Variants in GRAMD1B observed in about 807,000 individuals in gnomAD.
GRAMD1B encodes protein Aster-B.
In GRAMD1B, 37 loss-of-function variants were observed where a neutral mutation model predicts 99.7. That is an observed-to-expected ratio of 0.37 (90% CI 0.29 to 0.49). The LOEUF (loss-of-function observed/expected upper bound fraction) is 0.49, where lower values mean the gene tolerates loss of function less well. GRAMD1B is among the 20% of genes least tolerant of loss of function. The probability of loss-of-function intolerance (pLI) is 0.98; values close to 1 mark genes in which losing one functional copy is unlikely to be tolerated. For synonymous variants in GRAMD1B, 427 were observed against 387.6 expected, an observed-to-expected ratio of 1.10 and a Z score of -1.19; for missense variants, 888 against 1,009.2, an observed-to-expected ratio of 0.88 and a Z score of 1.63.
At chr11:123,584,221 A>C (rs1256476263) in intron 3 of GRAMD1B, 91 bp from the exon 4 acceptor site, 20 of 696,388 alleles carry the variant, frequency 2.9e-5, no homozygotes, top group Non-Finnish European at 3.5e-5. Context: ...CTCCCTGCCC[A>C]CCCTCCGCTG....
chr11:123,625,404 A>G lies in GRAMD1B; in HGVS notation c.*2809A>G, dbSNP rs1955442069. The G allele has an allele frequency of 6.6e-6, 1 of 152,248 alleles. No individual in the cohort carries two copies. The highest frequency in any genetic ancestry group is 1.5e-5 in the Non-Finnish European group (1 of 68,048). The allele number at this position is 152,248 out of a possible 1,614,324, so 9.4% of individuals were successfully genotyped here. On this transcript the variant is annotated 3_prime_UTR_variant, in exon 20 of 20. Coordinates refer to ENST00000635736, the MANE Select transcript of GRAMD1B (RefSeq NM_001387025.1). The stretch of plus-strand genomic sequence containing the variant: ...ATTTGCAGTTTCTAACAAGGTGAAG[A>G]ACAGCTATAGGATCTAAAGTTCCAT...
intron 8 of GRAMD1B, among the ~76,000 whole-genome samples, chr11:123,602,295 C>A (rs1952076987): frequency 7.8e-6 from 1 of 127,842 alleles, no homozygotes; most frequent in African/African-American, 2.6e-5. Context: ...GGCTTGGGAG[C>A]TCTCAAATTA....
chr11:123,600,645 C>A, intron 8 of GRAMD1B, 97 bp downstream of exon 8: 1 of 725,590 alleles, frequency 1.4e-6, no homozygotes, highest in Non-Finnish European at 2.4e-6. Flanking sequence ...TGATAGTATT[C>A]TCCCACTGAT....
At chr11:123,557,409 A>G (rs1294457170) in intron 2 of GRAMD1B, among the ~76,000 whole-genome samples, 7 of 152,242 alleles carry the variant, frequency 4.6e-5, no homozygotes, top group Non-Finnish European at 8.8e-5. Flanking sequence ...TACCACGCAC[A>G]TACTTCGTGC....
At chr11:123,499,925 C>T (rs1200306887) in intron 2 of GRAMD1B, among the ~76,000 whole-genome samples, 1 of 152,232 alleles carries the variant, frequency 6.6e-6, no homozygotes, top group East Asian at 1.9e-4. Flanking sequence ...ATTTCTCCCA[C>T]TCATCTTTTT....
At chr11:123,621,025 G>A (rs571256006) in intron 19 of GRAMD1B, among the ~76,000 whole-genome samples, 1 of 152,188 alleles carries the variant, frequency 6.6e-6, no homozygotes, top group Non-Finnish European at 1.5e-5. Context: ...TGGGGGTTGG[G>A]GCTGTCAGAT....
At chr11:123,586,737 C>T (rs57453526) in intron 4 of GRAMD1B, among the ~76,000 whole-genome samples, 1,927 of 152,340 alleles carry the variant, frequency 0.013, 29 homozygotes, top group African/African-American at 0.033. Context: ...TGTGTTCCTT[C>T]AGGGAGCTCC....
intron 1 of GRAMD1B, among the ~76,000 whole-genome samples, chr11:123,410,307 TGAG>T (rs1947999268): frequency 6.6e-6 from 1 of 151,262 alleles, no homozygotes. Context: ...GGAATCTTAC[TGAG>T]AAGAGAGAGA....
chr11:123,536,481 G>A (rs1418068689), intron 2 of GRAMD1B, among the ~76,000 whole-genome samples: 3 of 152,104 alleles, frequency 2.0e-5, no homozygotes, highest in Non-Finnish European at 4.4e-5. Flanking sequence ...TACCCCAGAG[G>A]GCTGTTGTGA....
chr11:123,369,740 T>A (rs911191952), intron 1 of GRAMD1B, among the ~76,000 whole-genome samples: 1 of 151,396 alleles, frequency 6.6e-6, no homozygotes, highest in African/African-American at 2.4e-5. Context: ...GGTGTGCTGG[T>A]GTGCGCCAGT....
chr11:123,375,963 G>T (rs531028354), intron 1 of GRAMD1B, among the ~76,000 whole-genome samples: 98 of 151,608 alleles, frequency 6.5e-4, no homozygotes, highest in South Asian at 2.3e-3. Flanking sequence ...TTCCAGAGTT[G>T]TCTGGCTGGC....
At chr11:123,561,276 G>A (rs1040776201) in intron 2 of GRAMD1B, among the ~76,000 whole-genome samples, 1 of 152,160 alleles carries the variant, frequency 6.6e-6, no homozygotes, top group African/African-American at 2.4e-5. Flanking sequence ...GCTTCCCTCC[G>A]CAGTGCCTCC....
chr11:123,371,334 C>G (rs1043777054), intron 1 of GRAMD1B, among the ~76,000 whole-genome samples: 13 of 152,128 alleles, frequency 8.5e-5, no homozygotes, highest in Admixed American at 6.5e-4. Flanking sequence ...TGATTATGTA[C>G]AGGAAAAGAG....
chr11:123,372,009 A>T (rs1366451804), intron 1 of GRAMD1B, among the ~76,000 whole-genome samples: 1 of 152,188 alleles, frequency 6.6e-6, no homozygotes, highest in Non-Finnish European at 1.5e-5. Context: ...AGGGGAAAAA[A>T]AAAATCTCTG....
chr11:123,615,060 A>T (rs1954166924), intron 17 of GRAMD1B, among the ~76,000 whole-genome samples: 2 of 152,232 alleles, frequency 1.3e-5, no homozygotes, highest in South Asian at 4.1e-4. Context: ...GGCCTTCAGA[A>T]GAAAATGCTT....
chr11:123,489,396 G>A (rs1390857698), intron 2 of GRAMD1B, among the ~76,000 whole-genome samples: 3 of 152,278 alleles, frequency 2.0e-5, no homozygotes, highest in East Asian at 3.9e-4. Context: ...CTATGGAAGA[G>A]CACAGCAATG....
chr11:123,584,611 G>A (rs1052618709), intron 4 of GRAMD1B, among the ~76,000 whole-genome samples: 1 of 152,064 alleles, frequency 6.6e-6, no homozygotes, highest in Admixed American at 6.5e-5. Context: ...TAAAAGAGGA[G>A]ACCAGTCAGG....
At chr11:123,371,795 G>C (rs537349289) in intron 1 of GRAMD1B, among the ~76,000 whole-genome samples, 4 of 152,280 alleles carry the variant, frequency 2.6e-5, no homozygotes, top group Non-Finnish European at 4.4e-5. Flanking sequence ...TCTTGCTAGA[G>C]TTCTCCATGA....
intron 2 of GRAMD1B, among the ~76,000 whole-genome samples, chr11:123,564,804 T>C (rs1009492432): frequency 9.2e-5 from 14 of 152,158 alleles, no homozygotes; most frequent in Admixed American, 1.3e-4. Flanking sequence ...AAGCTGGAAG[T>C]TCTATTCAGT....
Sources: gnomAD v4.1 joint callset for allele counts (sites outside exome capture counted in the v4.1 genomes callset) on GRCh38, gnomAD v4.1.1 for gene constraint, MANE v1.5 for transcripts, NCBI Gene and HGNC (gene_info 2026-07-23, HGNC 2026-07-21) for gene names.